Variants in HCFC2 observed in about 807,000 individuals in gnomAD.
HCFC2 encodes host cell factor C2.
Under a neutral mutation model 89.2 loss-of-function variants are expected in HCFC2, and 18 were observed. That is an observed-to-expected ratio of 0.20 (90% CI 0.14 to 0.30). The LOEUF is 0.30. Among genes scored for constraint, HCFC2 ranks in the 10% least tolerant of loss-of-function variants. HCFC2 has a pLI of 1.00. For missense variants in HCFC2, 578 were observed against 956.1 expected (o/e 0.60, Z 5.21); for synonymous variants, 308 against 335.7 (o/e 0.92, Z 0.90).
rs377596943 is a variant in HCFC2 at position 104,103,403 on chromosome 12, C to A, written c.*130C>A. The A allele has an allele frequency of 5.3e-6, 4 of 747,672 alleles. No homozygotes were observed. Among genetic ancestry groups the A allele is most frequent in the African/African-American group, 3.5e-5 (2 of 56,422 alleles). 46.3% of individuals were successfully genotyped at this position (747,672 alleles called of 1,614,324 possible). On this transcript the variant is annotated 3_prime_UTR_variant, in exon 15 of 15. Transcript: ENST00000229330. The stretch of plus-strand genomic sequence containing the variant: ...TATGAACTTGAGTTTGTAAATTGTT[C>A]TTAAAATGTATTTGCTGAATTATAG...
Position 104,103,135 on chromosome 12 carries a change from A to G in HCFC2, c.2241A>G (p.Gln747=). The stretch of plus-strand genomic sequence containing the variant: ...CATCATGTATAGTAACTGCTGGGCA[A>G]CTTGCAAATGCACATATTGATTATA... ...LKTSCIVTAG[Q]LANAHIDYTS... Residue 747 remains glutamine, a synonymous_variant, in exon 15 of 15, where the codon CAA becomes CAG. Transcript: ENST00000229330. 1 of 1,614,168 alleles carries G rather than the reference A, an allele frequency of 6.2e-7. No individual in the cohort carries two copies. Among genetic ancestry groups the G allele is most frequent in the Non-Finnish European group, 8.5e-7 (1 of 1,179,972 alleles).
intron 5 of HCFC2, among the ~76,000 whole-genome samples, chr12:104,081,904 CA>C (rs761929991): frequency 0.17 from 10,555 of 62,566 alleles, 428 homozygotes; most frequent in Admixed American, 0.26. Flanking sequence ...GATCCTGTCT[CA>C]AAAAAAAAAA....
intron 12 of HCFC2, among the ~76,000 whole-genome samples, chr12:104,097,340 A>G (rs1408985823): frequency 1.3e-5 from 2 of 152,090 alleles, no homozygotes; most frequent in Non-Finnish European, 1.5e-5. Context: ...TTCTTAGGGA[A>G]GGATTACTAA....
At chr12:104,091,951 A>G (rs1307489029) in intron 9 of HCFC2, among the ~76,000 whole-genome samples, 1 of 152,216 alleles carries the variant, frequency 6.6e-6, no homozygotes, top group African/African-American at 2.4e-5. Context: ...TAGCACCACC[A>G]ATTAAGGGCA....
intron 10 of HCFC2, among the ~76,000 whole-genome samples, chr12:104,094,821 C>A (rs1884127874): frequency 6.6e-6 from 1 of 152,040 alleles, no homozygotes; most frequent in Non-Finnish European, 1.5e-5. Flanking sequence ...GGACCAAAAC[C>A]TACTGACAAA....
chr12:104,102,244 C>T (rs2029962114), intron 14 of HCFC2, 91 bp downstream of exon 14: 2 of 1,107,446 alleles, frequency 1.8e-6, no homozygotes, highest in East Asian at 4.8e-5. Context: ...TTCTTGTTAC[C>T]ATCTAATGAA....
chr12:104,098,752 G>C (rs1355501569), intron 13 of HCFC2, among the ~76,000 whole-genome samples: 1 of 152,178 alleles, frequency 6.6e-6, no homozygotes, highest in African/African-American at 2.4e-5. Flanking sequence ...TGTAATCCCA[G>C]CACTTTGGGA....
In HCFC2 at chr12:104,093,845, G is replaced by C. The variant is rs553551202; in HGVS notation, c.1462+282G>C. Among the ~76,000 whole-genome samples the C allele has an allele frequency of 2.8e-4, 43 of 151,268 alleles. 1 individual carries two copies. The South Asian group carries it at 8.4e-3, about 29-fold the overall frequency. On this transcript the variant is annotated intron_variant, in intron 10 of 14. Transcript: ENST00000229330. ...ATAGTAGAAAATGATTAGGAGATTTGTTAGGGATTCTTTTAGGACTCCAGG... is the reference window on the plus strand; with the variant it reads ...ATAGTAGAAAATGATTAGGAGATTTCTTAGGGATTCTTTTAGGACTCCAGG...
intron 3 of HCFC2, among the ~76,000 whole-genome samples, chr12:104,076,606 A>G (rs534381223): frequency 7.2e-5 from 11 of 152,132 alleles, no homozygotes; most frequent in Non-Finnish European, 1.3e-4. Flanking sequence ...TTTCCCCTGC[A>G]TTCCTGCCCC....
At chr12:104,066,025 G>C (rs1028411156) in intron 1 of HCFC2, 142 bp from the exon 2 acceptor site, 18 of 771,282 alleles carry the variant, frequency 2.3e-5, no homozygotes, top group Non-Finnish European at 3.8e-5. Flanking sequence ...AACTAAAAAT[G>C]TCACCAGACA....
chr12:104,085,897 T>C (rs1883821974), intron 7 of HCFC2, among the ~76,000 whole-genome samples: 1 of 152,044 alleles, frequency 6.6e-6, no homozygotes, highest in Non-Finnish European at 1.5e-5. Flanking sequence ...CTATATCACA[T>C]GCATATATTG....
In HCFC2 at chr12:104,064,771, G is replaced by A; in HGVS notation, c.163+48G>A. 2.0e-6 allele frequency: 3 copies of A among 1,504,510 alleles called. No homozygotes were observed. Among genetic ancestry groups the A allele is most frequent in the Non-Finnish European group, 2.7e-6 (3 of 1,127,178 alleles). The allele number at this position is 1,504,510 out of a possible 1,614,324, so 93.2% of individuals were successfully genotyped here. On this transcript the variant is annotated intron_variant, in intron 1 of 14. Coordinates refer to ENST00000229330, the MANE Select transcript of HCFC2 (RefSeq NM_013320.3). This position sits in a 1 kb window ranked among gnomAD's most constrained non-coding sequence, Gnocchi z 7.3. The stretch of plus-strand genomic sequence containing the variant: ...GGCCCCGCCTGCTGGAGCTGCGGAG[G>A]GGGAGGGGAGGCGAGGCGGCGGCCG...
chr12:104,097,129 G>GT (rs1012767607), intron 12 of HCFC2, among the ~76,000 whole-genome samples: 14 of 151,442 alleles, frequency 9.2e-5, no homozygotes, highest in East Asian at 3.9e-4. Context: ...TACTTTTGAG[G>GT]TTTTTTTTTG....
At chr12:104,078,262 A>G in intron 3 of HCFC2, among the ~76,000 whole-genome samples, 1 of 152,128 alleles carries the variant, frequency 6.6e-6, no homozygotes, top group Non-Finnish European at 1.5e-5. Flanking sequence ...CAGCCTCCCA[A>G]AGTGCTGGGA....
chr12:104,092,149 T>C (rs1436029983), intron 9 of HCFC2, among the ~76,000 whole-genome samples: 2 of 152,236 alleles, frequency 1.3e-5, no homozygotes, highest in African/African-American at 4.8e-5. Flanking sequence ...GATATTCACA[T>C]TGATGACTTG....
At chr12:104,091,249 A>G (rs1041238098) in intron 9 of HCFC2, among the ~76,000 whole-genome samples, 2 of 152,170 alleles carry the variant, frequency 1.3e-5, no homozygotes, top group Non-Finnish European at 2.9e-5. Flanking sequence ...GAGGAGAGGA[A>G]TTTCTCTGGC....
rs1257540153 is a variant in HCFC2, at chr12:104,064,852, G to C, written c.163+129G>C. On this transcript the variant is annotated intron_variant, in intron 1 of 14. Transcript: ENST00000229330. The surrounding 1 kb of genome is among the most constrained non-coding windows in gnomAD (Gnocchi z 7.3). ...TGCTTCCTTGGGCGGGCGGCGGGGA[G>C]CGCGGCTCAGCCGGGCAGCCCGGGT... is the stretch of plus-strand genomic sequence containing the variant. 18 of 841,126 alleles carry C rather than the reference G, an allele frequency of 2.1e-5. No homozygotes were observed. The highest frequency in any genetic ancestry group is 2.7e-5 in the Non-Finnish European group (16 of 598,504). The allele number at this position is 841,126 out of a possible 1,614,324, so 52.1% of individuals were successfully genotyped here.
chr12:104,087,645 C>T (rs549985104), intron 8 of HCFC2, among the ~76,000 whole-genome samples: 12 of 151,820 alleles, frequency 7.9e-5, no homozygotes, highest in South Asian at 4.2e-4. Context: ...CACATAGACA[C>T]GTAGGATAGA....
Position 104,095,621 on chromosome 12 carries a change from A to C in HCFC2, c.1666+58A>C. The C allele has an allele frequency of 7.3e-7, 1 of 1,370,816 alleles. No individual in the cohort carries two copies. Among genetic ancestry groups the C allele is most frequent in the Non-Finnish European group, 1.0e-6 (1 of 981,618 alleles). 84.9% of individuals were successfully genotyped at this position (1,370,816 alleles called of 1,614,324 possible). On this transcript the variant is annotated intron_variant, in intron 11 of 14. Transcript: ENST00000229330. This position sits in a 1 kb window ranked among gnomAD's most constrained non-coding sequence, Gnocchi z 4.2. ...ACCATTTATGTATATAAATTCATCA[A>C]ACTTACTTGTCTTAGATGGGAGTTG...
Sources: gnomAD v4.1 joint callset for allele counts (sites outside exome capture counted in the v4.1 genomes callset) on GRCh38, gnomAD v4.1.1 for gene constraint, Gnocchi (gnomAD v3.1) non-coding constraint, MANE v1.5 for transcripts, NCBI Gene and HGNC (gene_info 2026-07-23, HGNC 2026-07-21) for gene names.